AFDN: variants seen among roughly 807,000 people sequenced by gnomAD.
AFDN encodes the protein afadin, adherens junction formation factor.
In AFDN, 68 loss-of-function variants were observed where a neutral mutation model predicts 216.6. The observed-to-expected ratio is 0.31, with a 90% CI of 0.26 to 0.38. AFDN has a LOEUF of 0.38. Ranked by LOEUF, AFDN falls within the 10% of genes least tolerant of loss-of-function variation. The pLI is 1.00. For missense variants in AFDN, 2,136 were observed against 2,342.0 expected, an observed-to-expected ratio of 0.91 and a Z score of 1.82; for synonymous variants, 868 against 853.7, an observed-to-expected ratio of 1.02 and a Z score of -0.29.
chr6:167,943,461 A>C lies in AFDN; in HGVS notation c.3225A>C (p.Gly1075=), dbSNP rs754544896. ...GTGTGGATGGACGAAGTCTGGTTGG[A>C]CTCTCTCAGGAAAGGTATCATTGAT... is the stretch of plus-strand genomic sequence containing the variant. The part of the protein sequence containing the change: ...LLSVDGRSLV[G]LSQERAAELM... Residue 1075 remains glycine (G), a synonymous_variant, in exon 25 of 34, where the codon GGA becomes GGC. Transcript: ENST00000683244. 6.2e-7 allele frequency: 1 copy of C among 1,613,578 alleles called. No individual in the cohort carries two copies. Among genetic ancestry groups the C allele is most frequent in the Non-Finnish European group, 8.5e-7 (1 of 1,179,582 alleles).
At chr6:167,966,435 CTGAT>C (rs1163791051) in intron 32 of AFDN, among the ~76,000 whole-genome samples, 1 of 152,206 alleles carries the variant, frequency 6.6e-6, no homozygotes, top group African/African-American at 2.4e-5. Flanking sequence ...TCCTCTGCCT[CTGAT>C]TGTGATGTTC....
rs760739255 is a variant in AFDN at position 167,915,428 on chromosome 6, G to T, written c.2560G>T (p.Val854Leu). The change falls in exon 19 of 34, where the codon GTG (valine) becomes TTG (leucine). Residue 854 changes from valine to leucine, a missense_variant. Val to Leu is a conservative substitution (Grantham distance 32). This residue lies in a region of AFDN where 162 missense variants were observed against 182.6 expected (regional missense o/e 0.89). Transcript: ENST00000683244. ...LAADCHLSRI[V>L]QATTLLTMDK... ...TGCGGACTGTCATCTGAGCAGGATCGTGCAGGTGATTGCTGGTGCCACTCC... is the reference window on the plus strand; with the variant it reads ...TGCGGACTGTCATCTGAGCAGGATCTTGCAGGTGATTGCTGGTGCCACTCC... 1 of 1,606,744 alleles carries T rather than the reference G, an allele frequency of 6.2e-7. No individual in the cohort carries two copies. Among genetic ancestry groups the T allele is most frequent in the East Asian group, 2.2e-5 (1 of 44,708 alleles).
Position 167,875,346 on chromosome 6 carries a change from G to A in AFDN, c.590G>A (p.Arg197Gln), listed in dbSNP as rs1159505989. The A allele has an allele frequency of 3.7e-6, 6 of 1,602,094 alleles. No individual in the cohort carries two copies. The highest frequency in any genetic ancestry group is 1.4e-5 in the African/African-American group (1 of 74,068). Residue 197 changes from arginine to glutamine, a missense_variant, in exon 5 of 34, where the codon CGA (arginine) becomes CAA (glutamine). Transcript: ENST00000683244. ...PFQGEDVENSRLAAEVYKDMP... is the reference protein window; with the variant it reads ...PFQGEDVENSQLAAEVYKDMP... Reference sequence around the variant, plus strand: ...TTTTTTTCTTACAGTGAAAATTCTCGACTGGCTGCTGAGGTTTACAAAGAC... The same window carrying A: ...TTTTTTTCTTACAGTGAAAATTCTCAACTGGCTGCTGAGGTTTACAAAGAC...
rs1263699315 is a variant in AFDN, at chr6:167,925,021, A to G, written c.3029A>G (p.Lys1010Arg). 4 of 1,613,090 alleles carry G rather than the reference A, an allele frequency of 2.5e-6. No individual in the cohort carries two copies. Among genetic ancestry groups the G allele is most frequent in the Admixed American group, 1.7e-5 (1 of 60,012 alleles). Residue 1010 changes from lysine (K) to arginine (R), a missense_variant, in exon 23 of 34, where the codon AAA becomes AGA. Around this residue, in one of 8 missense-constraint regions of AFDN, gnomAD observed 12 missense variants for 35.6 expected, o/e 0.34. Coordinates refer to ENST00000683244, the MANE Select transcript of AFDN (RefSeq NM_001386888.1). ...ENTELAQPLR[K>R]EPEIITVTLK... ...ATCCTTTAGGCTCAGCCTCTGAGGAAAGAACCTGAAATAATCACTGTGACC... is the reference window on the plus strand; with the variant it reads ...ATCCTTTAGGCTCAGCCTCTGAGGAGAGAACCTGAAATAATCACTGTGACC...
intron 23 of AFDN, among the ~76,000 whole-genome samples, chr6:167,929,046 A>G (rs920349080): frequency 6.6e-6 from 1 of 152,216 alleles, no homozygotes; most frequent in Non-Finnish European, 1.5e-5. Flanking sequence ...AATGTGATTT[A>G]GGAGTCTGCA....
intron 21 of AFDN, among the ~76,000 whole-genome samples, chr6:167,921,670 C>T (rs973533131): frequency 1.3e-5 from 2 of 151,644 alleles, no homozygotes; most frequent in African/African-American, 4.9e-5. Flanking sequence ...AAATGCGGCC[C>T]TTGAAAAAAA....
chr6:167,837,894 G>A lies in AFDN; in HGVS notation c.105+10657G>A, dbSNP rs534767468. On this transcript the variant is annotated intron_variant, in intron 1 of 33. Coordinates refer to ENST00000683244, the MANE Select transcript of AFDN (RefSeq NM_001386888.1). ...AATATCCAAGTAGAAAATTTGGAAT[G>A]TAATTTTCAGGAAGAACCACAGGCA... is the stretch of plus-strand genomic sequence containing the variant. Among the ~76,000 whole-genome samples, 53 of 152,314 alleles carry A rather than the reference G, an allele frequency of 3.5e-4. 2 individuals are homozygous for A. The South Asian group carries it at 0.01, about 29-fold the overall frequency.
rs1487034782 is a variant in AFDN, at chr6:167,951,863, G to A, written c.4509G>A (p.Gln1503=). Residue 1503 remains glutamine (Q), a synonymous_variant, in exon 30 of 34, where the codon CAG becomes CAA. Coordinates refer to ENST00000683244, the MANE Select transcript of AFDN (RefSeq NM_001386888.1). The surrounding 1 kb of genome is among the most constrained non-coding windows in gnomAD (Gnocchi z 7.1). ...QPRTIERRDL[Q]YITVSKEELS... ...GCACGATCGAGCGCAGAGACTTGCAGTACATTACAGTCAGCAAAGAGGAGC... is the reference window on the plus strand; with the variant it reads ...GCACGATCGAGCGCAGAGACTTGCAATACATTACAGTCAGCAAAGAGGAGC... 54 of 1,614,006 alleles carry A rather than the reference G, an allele frequency of 3.3e-5. No individual in the cohort carries two copies. Among genetic ancestry groups the A allele is most frequent in the Non-Finnish European group, 4.2e-5 (50 of 1,180,016 alleles).
intron 8 of AFDN, among the ~76,000 whole-genome samples, chr6:167,891,317 AT>A (rs1787543875): frequency 1.3e-5 from 2 of 151,250 alleles, no homozygotes; most frequent in Admixed American, 1.3e-4. Context: ...AATCCCTAAA[AT>A]TTTTTTTTCC....
chr6:167,838,442 C>G (rs1780693644), intron 1 of AFDN, among the ~76,000 whole-genome samples: 1 of 152,216 alleles, frequency 6.6e-6, no homozygotes, highest in South Asian at 2.1e-4. Flanking sequence ...AAACAATAAA[C>G]AAAATGTGTT....
chr6:167,914,773 G>A lies in AFDN; in HGVS notation c.2299+35G>A, dbSNP rs201338297. Reference sequence around the variant, plus strand: ...TTTTCTGACTGTCTCCCTCTATCCCGCTTCCTTCACGTTTAGCATCATTTT... The same window carrying A: ...TTTTCTGACTGTCTCCCTCTATCCCACTTCCTTCACGTTTAGCATCATTTT... On this transcript the variant is annotated intron_variant, in intron 18 of 33. Transcript: ENST00000683244. 287 of 1,423,414 alleles carry A rather than the reference G, an allele frequency of 2.0e-4. No individual in the cohort carries two copies. The African/African-American group carries it at 2.2e-3, about 11-fold the overall frequency. The allele number at this position is 1,423,414 out of a possible 1,614,324, so 88.2% of individuals were successfully genotyped here. A position where few individuals can be genotyped will look rare whatever the true frequency, so the allele number is the denominator to read the frequency against.
chr6:167,969,271 A>G (rs1583095657), intron 33 of AFDN, 73 bp downstream of exon 33: 2 of 1,153,928 alleles, frequency 1.7e-6, no homozygotes, highest in East Asian at 4.7e-5. Context: ...CGACACCTTG[A>G]GATTATGTAA....
At chr6:167,859,783 T>TG (rs1783332107) in intron 1 of AFDN, among the ~76,000 whole-genome samples, 1 of 148,630 alleles carries the variant, frequency 6.7e-6, no homozygotes, top group Admixed American at 6.7e-5. Flanking sequence ...TTATTGTTGT[T>TG]TTTTTTTTTT....
chr6:167,961,881 G>A (rs1797071388), intron 30 of AFDN, among the ~76,000 whole-genome samples: 1 of 152,160 alleles, frequency 6.6e-6, no homozygotes, highest in African/African-American at 2.4e-5. Flanking sequence ...AAAGGGCAGA[G>A]GAGAGAGAGT....
At chr6:167,827,589 G>GGCGCGGCGGC (rs1779295521) in intron 1 of AFDN, 1 of 145,666 alleles carries the variant, frequency 6.9e-6, no homozygotes. Context: ...CGGCGCGGGG[G>GGCGCGGCGGC]GCGCGGCGGC....
intron 12 of AFDN, among the ~76,000 whole-genome samples, chr6:167,905,869 G>T (rs1356768062): frequency 6.6e-6 from 1 of 152,184 alleles, no homozygotes; most frequent in Admixed American, 6.5e-5. Flanking sequence ...ACTTTGGGAG[G>T]CCGAGGTGGG....
chr6:167,831,843 C>A (rs958270202), intron 1 of AFDN, among the ~76,000 whole-genome samples: 5 of 152,126 alleles, frequency 3.3e-5, no homozygotes, highest in Non-Finnish European at 7.3e-5. Context: ...GTAGCATAGA[C>A]TAATTTGTTT....
chr6:167,970,555 TC>T lies in AFDN; in HGVS notation c.*622del, dbSNP rs1797957704. ...TGTGATGACGCACGTCCGAGACTGT[TC>T]CATCTCATTCCTCGCAAATTTGAGC... is the stretch of plus-strand genomic sequence containing the variant. On this transcript the variant is annotated 3_prime_UTR_variant, in exon 34 of 34. Coordinates refer to ENST00000683244, the MANE Select transcript of AFDN (RefSeq NM_001386888.1). The T allele has an allele frequency of 9.3e-6, 2 of 214,902 alleles. No homozygotes were observed. The highest frequency in any genetic ancestry group is 1.9e-5 in the Non-Finnish European group (2 of 106,534). 13.3% of individuals were successfully genotyped at this position (214,902 alleles called of 1,614,324 possible).
At chr6:167,963,292 T>TG (rs1797220487) in intron 31 of AFDN, 2 of 1,063,156 alleles carry the variant, frequency 1.9e-6, no homozygotes, top group South Asian at 9.1e-5. Context: ...GAGCTCCCTG[T>TG]GGGGGCCTGT....
Sources: allele counts gnomAD v4.1 joint callset (sites outside exome capture counted in the v4.1 genomes callset), GRCh38; gene constraint gnomAD v4.1.1; regional missense constraint gnomAD v4.1.1; non-coding constraint Gnocchi (gnomAD v3.1); transcripts MANE v1.5; gene names NCBI Gene and HGNC (gene_info 2026-07-23, HGNC 2026-07-21).